Variants in RYR3 observed in about 807,000 individuals in gnomAD.
RYR3 encodes the protein brain ryanodine receptor-calcium release channel.
RYR3 carries 207 observed loss-of-function variants against 584.3 expected under a neutral mutation model. The observed-to-expected ratio is 0.35, with a 90% CI of 0.32 to 0.40. The LOEUF (loss-of-function observed/expected upper bound fraction) is 0.40, where lower values mean the gene tolerates loss of function less well. Among genes scored for constraint, RYR3 ranks in the 10% least tolerant of loss-of-function variants. The pLI is 1.00. For missense variants in RYR3, 5,616 were observed against 6,089.2 expected (o/e 0.92, Z 2.59); for synonymous variants, 2,416 against 2,248.5 (o/e 1.07, Z -2.11).
chr15:33,769,157 A>G lies in RYR3; in HGVS notation c.8801A>G (p.Gln2934Arg). Residue 2934 changes from glutamine to arginine, a missense_variant, in exon 62 of 104, where the codon CAG (glutamine) becomes CGG (arginine). By Grantham distance (43) the Gln-to-Arg change is conservative (BLOSUM62 1). Around this residue, in one of 9 missense-constraint regions of RYR3, gnomAD observed 1,280 missense variants for 1,426.2 expected, o/e 0.90. Coordinates refer to ENST00000634891, the MANE Select transcript of RYR3 (RefSeq NM_001036.6). Reference sequence around the variant, plus strand: ...GTGAGCTGTCTTCACATCTTAGCTCAGACACTTGACACAAGGTAAGTCTGC... The same window carrying G: ...GTGAGCTGTCTTCACATCTTAGCTCGGACACTTGACACAAGGTAAGTCTGC... ...TMVSCLHILA[Q>R]TLDTRTVMKS... The G allele has an allele frequency of 6.2e-7, 1 of 1,613,314 alleles. No individual in the cohort carries two copies. The highest frequency in any genetic ancestry group is 1.1e-5 in the South Asian group (1 of 91,070).
rs568053362 is a variant in RYR3 at position 33,767,146 on chromosome 15, A to C, written c.8706-1512A>C. ...GAAATACCTGAGTTTACCTGCCCCT[A>C]ACTCTGAAACCCGAGTCCTATGATG... On this transcript the variant is annotated intron_variant, in intron 60 of 103. Transcript: ENST00000634891. 2.0e-5 allele frequency among the ~76,000 whole-genome samples: 3 copies of C among 152,342 alleles called. No homozygotes were observed. In the East Asian group the frequency reaches 5.8e-4, roughly 29 times the overall value.
At chr15:33,406,305 A>C (rs74799802) in intron 1 of RYR3, among the ~76,000 whole-genome samples, 1 of 152,158 alleles carries the variant, frequency 6.6e-6, no homozygotes, top group African/African-American at 2.4e-5. Context: ...GAGTGGATCT[A>C]TTGATAACAG....
At chr15:33,392,599 G>T (rs964556449) in intron 1 of RYR3, among the ~76,000 whole-genome samples, 4 of 152,078 alleles carry the variant, frequency 2.6e-5, no homozygotes, top group African/African-American at 9.7e-5. Flanking sequence ...TTAGTTGAAG[G>T]CTACTCCCTG....
At chr15:33,522,277 TTC>T (rs2054057862) in intron 3 of RYR3, among the ~76,000 whole-genome samples, 1 of 151,064 alleles carries the variant, frequency 6.6e-6, no homozygotes, top group African/African-American at 2.4e-5. Flanking sequence ...AAAAAAAAAA[TTC>T]TGTTTCATAG....
intron 43 of RYR3, among the ~76,000 whole-genome samples, chr15:33,717,239 C>T (rs181351539): frequency 6.6e-6 from 1 of 152,256 alleles, no homozygotes; most frequent in East Asian, 1.9e-4. Context: ...CTTCCCTGAG[C>T]CCCAGACTTG....
rs1414767300 is a variant in RYR3 at position 33,865,239 on chromosome 15, G to C, written c.*13G>C. 4 of 1,595,210 alleles carry C rather than the reference G, an allele frequency of 2.5e-6. No individual in the cohort carries two copies. Among genetic ancestry groups the C allele is most frequent in the Middle Eastern group, 1.7e-4 (1 of 6,050 alleles). The stretch of plus-strand genomic sequence containing the variant: ...TCAGCTTGGATAAATCTGAATCAAA[G>C]AAGCGCGACAATTCTGGACAGTCAA... On this transcript the variant is annotated 3_prime_UTR_variant, in exon 104 of 104. Coordinates refer to ENST00000634891, the MANE Select transcript of RYR3 (RefSeq NM_001036.6).
intron 1 of RYR3, among the ~76,000 whole-genome samples, chr15:33,359,776 G>A (rs1005302810): frequency 2.0e-5 from 3 of 151,744 alleles, no homozygotes; most frequent in Admixed American, 6.6e-5. Flanking sequence ...CCACCACCAA[G>A]CCTGGCTAAT....
chr15:33,400,323 A>G (rs922620106), intron 1 of RYR3, among the ~76,000 whole-genome samples: 6 of 152,166 alleles, frequency 3.9e-5, no homozygotes, highest in Non-Finnish European at 8.8e-5. Flanking sequence ...AATAAATGGA[A>G]TGATCAACCC....
chr15:33,662,939 CAAGCTGCAGGT>C lies in RYR3; in HGVS notation c.5418+3_5418+13del. On this transcript the variant is annotated splice_donor_variant and coding_sequence_variant, in exon 35 of 104. Transcript: ENST00000634891. LOFTEE classifies it high-confidence loss of function. ...TGCAGACTCGATTACCCGAATCCGT[CAAGCTGCAGGT>C]AAGCTGCAGGTGGTTAAGTGGAGGC... is the stretch of plus-strand genomic sequence containing the variant. 2 of 1,611,694 alleles carry C rather than the reference CAAGCTGCAGGT, an allele frequency of 1.2e-6. No homozygotes were observed. The highest frequency in any genetic ancestry group is 1.1e-5 in the South Asian group (1 of 90,904).
chr15:33,710,412 T>C (rs113667970), intron 43 of RYR3, among the ~76,000 whole-genome samples: 11,555 of 149,008 alleles, frequency 0.078, 991 homozygotes, highest in African/African-American at 0.21. Flanking sequence ...GGTGCAATCT[T>C]AGCTGACTGC....
chr15:33,651,468 T>C (rs910642446), intron 31 of RYR3, among the ~76,000 whole-genome samples: 1 of 152,236 alleles, frequency 6.6e-6, no homozygotes, highest in Non-Finnish European at 1.5e-5. Context: ...AGACCCATCA[T>C]TGTCCCAAAG....
chr15:33,719,313 C>A (rs1294533892), intron 43 of RYR3, among the ~76,000 whole-genome samples: 1 of 152,186 alleles, frequency 6.6e-6, no homozygotes, highest in African/African-American at 2.4e-5. Context: ...AAATGAATTT[C>A]AATCGCAAGC....
At chr15:33,758,745 C>T (rs1009663644) in intron 60 of RYR3, among the ~76,000 whole-genome samples, 3 of 152,190 alleles carry the variant, frequency 2.0e-5, no homozygotes, top group African/African-American at 7.2e-5. Flanking sequence ...TCCTGCCTGC[C>T]GGCTCTGAAC....
At chr15:33,468,900 C>T (rs577961154) in intron 1 of RYR3, among the ~76,000 whole-genome samples, 1 of 152,152 alleles carries the variant, frequency 6.6e-6, no homozygotes, top group Non-Finnish European at 1.5e-5. Context: ...CCCCTGCCAC[C>T]ATGAGACCTG....
chr15:33,480,208 G>T (rs903682938), intron 2 of RYR3, among the ~76,000 whole-genome samples: 6 of 152,176 alleles, frequency 3.9e-5, no homozygotes, highest in African/African-American at 1.4e-4. Context: ...TAATAAACTT[G>T]ACCCTGGAGT....
chr15:33,641,765 C>T (rs2061839308), intron 27 of RYR3, among the ~76,000 whole-genome samples: 2 of 152,192 alleles, frequency 1.3e-5, no homozygotes, highest in African/African-American at 4.8e-5. Context: ...TCCCATTGCT[C>T]TTGCATCCAT....
chr15:33,563,121 A>G (rs1348350253), intron 11 of RYR3, 111 bp downstream of exon 11: 5 of 873,208 alleles, frequency 5.7e-6, no homozygotes, highest in African/African-American at 3.4e-5. Context: ...ACTTCTTACT[A>G]TTCAGAAGAG....
At chr15:33,857,244 CTGGCAGCA>C (rs1332574668) in intron 98 of RYR3, among the ~76,000 whole-genome samples, 2 of 6,504 alleles carry the variant, frequency 3.1e-4, no homozygotes, top group African/African-American at 3.9e-4. Context: ...TATCATGGTG[CTGGCAGCA>C]CCAGCACCTG....
rs943256493 is a variant in RYR3, at chr15:33,649,384, G to A, written c.4142+149G>A. ...AGCACAGACTTCAAAGAAACAAACC[G>A]GTACTATGACAGTGAGAAAAAGTGC... is the stretch of plus-strand genomic sequence containing the variant. On this transcript the variant is annotated intron_variant, in intron 31 of 103. Coordinates refer to ENST00000634891, the MANE Select transcript of RYR3 (RefSeq NM_001036.6). 16 of 726,072 alleles carry A rather than the reference G, an allele frequency of 2.2e-5. 1 individual carries two copies. Among genetic ancestry groups the A allele is most frequent in the African/African-American group, 1.1e-4 (6 of 56,710 alleles). The allele number at this position is 726,072 out of a possible 1,614,324, so 45.0% of individuals were successfully genotyped here. A position where few individuals can be genotyped will look rare whatever the true frequency, so the allele number is the denominator to read the frequency against.
Sources: allele counts gnomAD v4.1 joint callset (sites outside exome capture counted in the v4.1 genomes callset), GRCh38; gene constraint gnomAD v4.1.1; regional missense constraint gnomAD v4.1.1; transcripts MANE v1.5; gene names NCBI Gene and HGNC (gene_info 2026-07-23, HGNC 2026-07-21).